The following LIPK variants were observed in gnomAD, a reference collection of about 807,000 sequenced individuals.
LIPK encodes the protein lipase member K.
Under a neutral mutation model 48.6 loss-of-function variants are expected in LIPK, and 32 were observed. The ratio of observed to expected loss-of-function variants is 0.66; its 90% CI spans 0.50 to 0.88. The LOEUF is 0.88. Ranked by LOEUF, LIPK falls within the 40% of genes least tolerant of loss-of-function variation. The pLI is 0.00. For synonymous variants in LIPK, 164 were observed against 157.4 expected (o/e 1.04, Z -0.32); for missense variants, 507 against 478.5 (o/e 1.06, Z -0.56).
intron 3 of LIPK, chr10:88,727,899 G>C: frequency 2.7e-6 from 1 of 369,624 alleles, no homozygotes; most frequent in Non-Finnish European, 5.3e-6. Flanking sequence ...ACCATGTGGA[G>C]CCTGCAGCAG....
At chr10:88,751,571 A>G (rs750408869) in intron 9 of LIPK, among the ~76,000 whole-genome samples, 1 of 152,156 alleles carries the variant, frequency 6.6e-6, no homozygotes, top group Non-Finnish European at 1.5e-5. Context: ...AACAACTACT[A>G]TAACAACTAT....
intron 7 of LIPK, among the ~76,000 whole-genome samples, chr10:88,739,428 T>C (rs1653834): frequency 0.22 from 32,963 of 152,106 alleles, 3,763 homozygotes; most frequent in East Asian, 0.37. Context: ...CTTTGCCCCG[T>C]GGGATGCCCT....
chr10:88,734,499 A>G (rs1842530601), intron 6 of LIPK, among the ~76,000 whole-genome samples: 1 of 152,166 alleles, frequency 6.6e-6, no homozygotes, highest in South Asian at 2.1e-4. Flanking sequence ...ATGAATTTGG[A>G]ATGTATTATA....
chr10:88,728,366 G>A (rs189619608), intron 3 of LIPK: 2 of 189,340 alleles, frequency 1.1e-5, no homozygotes, highest in East Asian at 1.7e-4. Flanking sequence ...GGTGCTGCAG[G>A]CCTTGGCTGG....
chr10:88,741,285 T>C (rs912693099), intron 8 of LIPK, among the ~76,000 whole-genome samples: 1 of 152,184 alleles, frequency 6.6e-6, no homozygotes, highest in African/African-American at 2.4e-5. Context: ...AGTACAGTGG[T>C]AGAATCATGG....
chr10:88,730,841 A>G (rs1842450089), intron 3 of LIPK, 142 bp from the exon 4 acceptor site: 9 of 645,922 alleles, frequency 1.4e-5, no homozygotes, highest in Non-Finnish European at 2.1e-5. Flanking sequence ...AGTAGCTCAG[A>G]AGGGACTAGA....
At chr10:88,715,393 T>A (rs1842097087) in intron 1 of LIPK, among the ~76,000 whole-genome samples, 1 of 152,144 alleles carries the variant, frequency 6.6e-6, no homozygotes, top group Non-Finnish European at 1.5e-5. Flanking sequence ...CATTATGAAA[T>A]ATCTCACTTT....
chr10:88,749,517 A>AC (rs1842827474), intron 9 of LIPK, among the ~76,000 whole-genome samples: 1 of 152,206 alleles, frequency 6.6e-6, no homozygotes, highest in Non-Finnish European at 1.5e-5. Context: ...TGGGGAAAGG[A>AC]TGGTCTATTC....
In LIPK at chr10:88,711,341, G is replaced by A. The variant is rs11202827; in HGVS notation, c.-12+5021G>A. Among the ~76,000 whole-genome samples the A allele has an allele frequency of 6.0e-3, 908 of 152,154 alleles. 6 individuals carry two copies. Among genetic ancestry groups the A allele is most frequent in the East Asian group, 0.033 (170 of 5,182 alleles). ...GGTTACTATAGTCAAACAAATTAACGTATCAATAATCTTACCTAGTTACCC... is the reference window on the plus strand; with the variant it reads ...GGTTACTATAGTCAAACAAATTAACATATCAATAATCTTACCTAGTTACCC... On this transcript the variant is annotated intron_variant, in intron 1 of 9. Coordinates refer to ENST00000404190, the MANE Select transcript of LIPK (RefSeq NM_001080518.2).
At chr10:88,729,255 G>T (rs541074704) in intron 3 of LIPK, among the ~76,000 whole-genome samples, 2 of 123,226 alleles carry the variant, frequency 1.6e-5, no homozygotes, top group African/African-American at 2.9e-5. Flanking sequence ...TATCTGTTGG[G>T]GGGGGGGGGC....
chr10:88,728,600 G>A (rs916615302), intron 3 of LIPK: 4 of 476,268 alleles, frequency 8.4e-6, no homozygotes, highest in East Asian at 1.2e-4. Context: ...TGGAGCTGAT[G>A]AATGTCAAGC....
chr10:88,720,677 ATG>A lies in LIPK; in HGVS notation c.-11-3846_-11-3845del, dbSNP rs998587628. ...AGTGTATCCAGATACATGTGTGTGT[ATG>A]TGTGTGTGTAGTCTGAATATCCAAG... is the stretch of plus-strand genomic sequence containing the variant. On this transcript the variant is annotated intron_variant, in intron 1 of 9. Transcript: ENST00000404190. Among the ~76,000 whole-genome samples the A allele has an allele frequency of 2.7e-5, 4 of 150,694 alleles. No homozygotes were observed. The Middle Eastern group carries it at 0.014, about 513-fold the overall frequency.
At chr10:88,724,510 A>C (rs1227234811) in intron 1 of LIPK, 23 bp from the exon 2 acceptor site, 2 of 1,356,962 alleles carry the variant, frequency 1.5e-6, no homozygotes, top group East Asian at 4.7e-5. Context: ...TTGATGACAA[A>C]TATATTAAAT....
chr10:88,732,160 A>T lies in LIPK; in HGVS notation c.423-18A>T. The T allele has an allele frequency of 2.0e-6, 3 of 1,532,442 alleles. No homozygotes were observed. Among genetic ancestry groups the T allele is most frequent in the Non-Finnish European group, 2.7e-6 (3 of 1,114,886 alleles). 94.9% of individuals were successfully genotyped at this position (1,532,442 alleles called of 1,614,324 possible). ...AATGAGATGACTTTTCTAATTTGTT[A>T]TTCCTTCTTTTTGATAGTTTGGATG... On this transcript the variant is annotated intron_variant, in intron 4 of 9. Transcript: ENST00000404190.
intron 8 of LIPK, among the ~76,000 whole-genome samples, chr10:88,742,494 T>C (rs1489959091): frequency 1.3e-5 from 2 of 152,244 alleles, no homozygotes; most frequent in African/African-American, 4.8e-5. Context: ...GTGCTTGACA[T>C]AAATGTCAAA....
At chr10:88,733,022 T>C (rs996014554) in intron 6 of LIPK, among the ~76,000 whole-genome samples, 3 of 152,260 alleles carry the variant, frequency 2.0e-5, no homozygotes, top group Non-Finnish European at 2.9e-5. Flanking sequence ...TTCTTACTCA[T>C]AGGGCTACCC....
intron 8 of LIPK, among the ~76,000 whole-genome samples, chr10:88,740,296 T>C (rs1201058321): frequency 6.6e-6 from 1 of 152,236 alleles, no homozygotes; most frequent in African/African-American, 2.4e-5. Context: ...TGGGTTCTGA[T>C]CCTTAGATGA....
chr10:88,717,561 T>C (rs1008660136), intron 1 of LIPK, among the ~76,000 whole-genome samples: 10 of 152,196 alleles, frequency 6.6e-5, no homozygotes, highest in African/African-American at 2.4e-4. Context: ...ACTCTTTTTC[T>C]AGAATTCTTT....
At chr10:88,734,651 T>C (rs1033137233) in intron 6 of LIPK, among the ~76,000 whole-genome samples, 6 of 152,054 alleles carry the variant, frequency 3.9e-5, no homozygotes, top group African/African-American at 1.4e-4. Flanking sequence ...GGAGAATCAT[T>C]ATGGAGTTAT....
Sources: gnomAD v4.1 joint callset for allele counts (sites outside exome capture counted in the v4.1 genomes callset) on GRCh38, gnomAD v4.1.1 for gene constraint, MANE v1.5 for transcripts, NCBI Gene and HGNC (gene_info 2026-07-23, HGNC 2026-07-21) for gene names.